The following C11orf65 variants were observed in gnomAD, a reference collection of about 807,000 sequenced individuals.
C11orf65 encodes protein MFI.
A neutral mutation model predicts 35.3 loss-of-function variants in C11orf65; 38 were observed. The ratio of observed to expected loss-of-function variants is 1.08; its 90% CI spans 0.83 to 1.41. The LOEUF (loss-of-function observed/expected upper bound fraction) is 1.41. Among genes scored for constraint, C11orf65 ranks in the 40% most tolerant of loss-of-function variants. The pLI is 0.00. For synonymous variants in C11orf65, 105 were observed against 114.4 expected, an observed-to-expected ratio of 0.92 and a Z score of 0.53; for missense variants, 370 against 367.1, an observed-to-expected ratio of 1.01 and a Z score of -0.06.
At position 108,358,956 on chromosome 11, in the gene C11orf65, A is replaced by G. The variant is rs550625283; in HGVS notation, c.227-23664T>C. Among the ~76,000 whole-genome samples, 15 of 152,306 alleles carry G rather than the reference A, an allele frequency of 9.8e-5. No homozygotes were observed. In the South Asian group the frequency reaches 2.9e-3, roughly 29 times the overall value. ...ACTCCCACATAACAAAATTAACTTT[A>G]AATGTATATGGACTAAATGCTCCAA... On this transcript the variant is annotated intron_variant, in intron 2 of 3. Coordinates refer to the C11orf65 transcript ENST00000524755.
intron 1 of C11orf65, among the ~76,000 whole-genome samples, chr11:108,464,366 G>A (rs1036558197): frequency 6.6e-6 from 1 of 151,754 alleles, no homozygotes; most frequent in African/African-American, 2.4e-5. Context: ...GAGCGATTTT[G>A]GTGCACTGCA....
chr11:108,412,374 T>C (rs924033524), intron 3 of C11orf65, among the ~76,000 whole-genome samples: 2 of 151,808 alleles, frequency 1.3e-5, no homozygotes, highest in Non-Finnish European at 2.9e-5. Flanking sequence ...GATTGAACTA[T>C]ATCAATAACT....
intron 3 of C11orf65, among the ~76,000 whole-genome samples, chr11:108,413,255 T>C (rs2092685665): frequency 6.6e-6 from 1 of 152,148 alleles, no homozygotes; most frequent in Non-Finnish European, 1.5e-5. Flanking sequence ...GAATGCAGAG[T>C]GGTCAAGTCA....
intron 2 of C11orf65, among the ~76,000 whole-genome samples, chr11:108,354,086 C>CAT (rs1387696394): frequency 6.6e-6 from 1 of 150,994 alleles, no homozygotes; most frequent in African/African-American, 2.5e-5. Flanking sequence ...CACACACACA[C>CAT]ACACACACAC....
chr11:108,408,706 A>C lies in C11orf65; in HGVS notation c.175-1557T>G, dbSNP rs1284997188. Among the ~76,000 whole-genome samples the C allele has an allele frequency of 4.9e-3, 637 of 130,662 alleles. 14 individuals are homozygous for C. Among genetic ancestry groups the C allele is most frequent in the African/African-American group, 0.016 (556 of 34,846 alleles). The allele number at this position is 130,662 out of a possible 152,430, so 85.7% of individuals were successfully genotyped here. On this transcript the variant is annotated intron_variant, in intron 3 of 8. Transcript: ENST00000393084. ...AATAAAATAAAATAAAATAAAATAA[A>C]ATAAAATAAAATAAAATAAAATAAA...
intron 6 of C11orf65, among the ~76,000 whole-genome samples, chr11:108,397,646 C>T (rs985568855): frequency 2.0e-4 from 30 of 152,124 alleles, no homozygotes; most frequent in Admixed American, 2.0e-3. Flanking sequence ...TTGTTCATTA[C>T]TGATTCTCAG....
At chr11:108,319,995 A>T (rs2136220181) in intron 6 of C11orf65, 1 of 1,612,922 alleles carries the variant, frequency 6.2e-7, no homozygotes, top group South Asian at 1.1e-5. Flanking sequence ...TCATTGTACA[A>T]TGCTCTACAA....
chr11:108,368,115 TA>T (rs1345333625), intron 2 of C11orf65: 8 of 207,272 alleles, frequency 3.9e-5, no homozygotes, highest in African/African-American at 1.8e-4. Flanking sequence ...TCAAGTATTC[TA>T]ATCAATGGCT....
At chr11:108,441,153 ACAG>A (rs1370926787) in intron 2 of C11orf65, among the ~76,000 whole-genome samples, 2 of 152,208 alleles carry the variant, frequency 1.3e-5, no homozygotes, top group Non-Finnish European at 2.9e-5. Context: ...GTCTTAGCAA[ACAG>A]CACACCAGGA....
At chr11:108,311,789 C>T (rs1443508816) in intron 6 of C11orf65, among the ~76,000 whole-genome samples, 1 of 151,878 alleles carries the variant, frequency 6.6e-6, no homozygotes, top group African/African-American at 2.4e-5. Context: ...ATTTTATGTA[C>T]TAGATTATTA....
chr11:108,441,391 G>T (rs1046339514), intron 2 of C11orf65, among the ~76,000 whole-genome samples: 9 of 152,222 alleles, frequency 5.9e-5, no homozygotes, highest in African/African-American at 2.2e-4. Flanking sequence ...CTCCACCTCT[G>T]GGGGCAGGGC....
rs2137038028 is a variant in C11orf65, at chr11:108,345,897, C to T, written c.227-10605G>A. 4 of 1,613,660 alleles carry T rather than the reference C, an allele frequency of 2.5e-6. No homozygotes were observed. Among genetic ancestry groups the T allele is most frequent in the Non-Finnish European group, 3.4e-6 (4 of 1,179,730 alleles). ...TTGGCTTATACGCGCAGTGTAGCTACTTCTTCTATTGGTAATCTTCTTGTA... is the reference window on the plus strand; with the variant it reads ...TTGGCTTATACGCGCAGTGTAGCTATTTCTTCTATTGGTAATCTTCTTGTA... On this transcript the variant is annotated intron_variant, in intron 2 of 3. Coordinates refer to the C11orf65 transcript ENST00000524755.
intron 2 of C11orf65, among the ~76,000 whole-genome samples, chr11:108,373,473 C>G (rs920940501): frequency 6.6e-6 from 1 of 152,200 alleles, no homozygotes; most frequent in African/African-American, 2.4e-5. Flanking sequence ...CACTGGAGTT[C>G]CTAGCCATGC....
chr11:108,452,916 C>T (rs1355497826), intron 2 of C11orf65, among the ~76,000 whole-genome samples: 1 of 148,208 alleles, frequency 6.7e-6, no homozygotes, highest in Non-Finnish European at 1.5e-5. Flanking sequence ...AACCAAACAC[C>T]GCATGTGCTC....
chr11:108,445,019 T>G (rs2093229393), intron 2 of C11orf65, among the ~76,000 whole-genome samples: 1 of 152,038 alleles, frequency 6.6e-6, no homozygotes, highest in African/African-American at 2.4e-5. Context: ...AGCACAGCAG[T>G]CTGAGATCAA....
downstream of C11orf65, among the ~76,000 whole-genome samples, chr11:108,380,909 T>C (rs2091854325): frequency 6.6e-6 from 1 of 152,178 alleles, no homozygotes; most frequent in Non-Finnish European, 1.5e-5. Context: ...TGATTTACTA[T>C]TATGGGCTTT....
In C11orf65 at chr11:108,390,005, T is replaced by A. The variant is rs56362436; in HGVS notation, c.731+3203A>T. Reference sequence around the variant, plus strand: ...CACCTCGCCTGGCTGGTTTTTTTTTTATTTATTTTATTTTTTATTTATTTA... The same window carrying A: ...CACCTCGCCTGGCTGGTTTTTTTTTAATTTATTTTATTTTTTATTTATTTA... On this transcript the variant is annotated intron_variant, in intron 7 of 8. Coordinates refer to ENST00000393084, the MANE Select transcript of C11orf65 (RefSeq NM_152587.5). Among the ~76,000 whole-genome samples, 893 of 148,120 alleles carry A rather than the reference T, an allele frequency of 6.0e-3. 9 individuals carry two copies. Among genetic ancestry groups the A allele is most frequent in the African/African-American group, 0.018 (719 of 40,426 alleles).
chr11:108,427,862 G>A (rs1220198798), intron 3 of C11orf65, among the ~76,000 whole-genome samples: 3 of 76,916 alleles, frequency 3.9e-5, no homozygotes, highest in African/African-American at 5.5e-5. Context: ...ACAGAGTCTC[G>A]CTCTGTTGCC....
At chr11:108,409,274 G>T (rs1195169905) in intron 3 of C11orf65, among the ~76,000 whole-genome samples, 1 of 151,970 alleles carries the variant, frequency 6.6e-6, no homozygotes, top group Non-Finnish European at 1.5e-5. Flanking sequence ...CTAGTTTTGG[G>T]TTAAAATGAA....
Sources: allele counts gnomAD v4.1 joint callset (sites outside exome capture counted in the v4.1 genomes callset), GRCh38; gene constraint gnomAD v4.1.1; transcripts MANE v1.5; gene names NCBI Gene and HGNC (gene_info 2026-07-23, HGNC 2026-07-21).